MB21D2: variants seen among roughly 807,000 people sequenced by gnomAD.
MB21D2 encodes nucleotidyltransferase MB21D2.
In MB21D2, 9 loss-of-function variants were observed where a neutral mutation model predicts 33.3. The ratio of observed to expected loss-of-function variants is 0.27; its 90% confidence interval spans 0.16 to 0.47. MB21D2 has a LOEUF of 0.47. Ranked by LOEUF, MB21D2 falls within the 20% of genes least tolerant of loss-of-function variation. The pLI is 0.99. For synonymous variants in MB21D2, 241 were observed against 236.3 expected, an observed-to-expected ratio of 1.02 and a Z score of -0.18; for missense variants, 540 against 624.6, an observed-to-expected ratio of 0.86 and a Z score of 1.44.
chr3:192,804,966 C>T (rs1711632677), intron 1 of MB21D2, among the ~76,000 whole-genome samples: 1 of 152,182 alleles, frequency 6.6e-6, no homozygotes, highest in Non-Finnish European at 1.5e-5. Flanking sequence ...GGCCTTTCCT[C>T]GTTCATGCCC....
At chr3:192,883,400 T>C (rs1713649155) in intron 1 of MB21D2, among the ~76,000 whole-genome samples, 2 of 152,100 alleles carry the variant, frequency 1.3e-5, no homozygotes, top group South Asian at 4.1e-4. Context: ...ATCTAGTTTG[T>C]AGCATAGCAT....
chr3:192,852,512 G>A (rs1047055666), intron 1 of MB21D2, among the ~76,000 whole-genome samples: 4 of 152,042 alleles, frequency 2.6e-5, no homozygotes, highest in Non-Finnish European at 4.4e-5. Flanking sequence ...CATTTTAAAC[G>A]GGGGAAAAAC....
chr3:192,865,903 G>A (rs1411902644), intron 1 of MB21D2, among the ~76,000 whole-genome samples: 1 of 152,028 alleles, frequency 6.6e-6, no homozygotes, highest in Non-Finnish European at 1.5e-5. Context: ...AAATTAGCTG[G>A]GTGTGGTGGC....
chr3:192,820,161 A>T (rs1451170602), intron 1 of MB21D2, among the ~76,000 whole-genome samples: 3 of 152,236 alleles, frequency 2.0e-5, no homozygotes, highest in Non-Finnish European at 2.9e-5. Flanking sequence ...TTTGTATAAC[A>T]GCAAGTCAGA....
intron 1 of MB21D2, among the ~76,000 whole-genome samples, chr3:192,905,781 C>T (rs1486694951): frequency 2.0e-5 from 3 of 151,792 alleles, no homozygotes; most frequent in African/African-American, 7.3e-5. Context: ...TGCAGTGAGC[C>T]GAGATCGCAC....
rs553863955 is a variant in MB21D2, at chr3:192,891,014, G to A, written c.211+26616C>T. On this transcript the variant is annotated intron_variant, in intron 1 of 1. Coordinates refer to ENST00000392452, the MANE Select transcript of MB21D2 (RefSeq NM_178496.4). The stretch of plus-strand genomic sequence containing the variant: ...GAGGTCATGTTCACTATTTCTTAGC[G>A]GCTTATCTCAAAGAAAAGGAATACC... Among the ~76,000 whole-genome samples, 51 of 152,162 alleles carry A rather than the reference G, an allele frequency of 3.4e-4. 1 individual carries two copies. In the South Asian group the frequency reaches 8.3e-3, roughly 25 times the overall value.
At chr3:192,820,587 G>A (rs1560230309) in intron 1 of MB21D2, among the ~76,000 whole-genome samples, 1 of 152,238 alleles carries the variant, frequency 6.6e-6, no homozygotes. Context: ...AATGACTGCT[G>A]ATGAAAGCGT....
intron 1 of MB21D2, among the ~76,000 whole-genome samples, chr3:192,829,355 A>C (rs1162336881): frequency 1.3e-5 from 2 of 152,202 alleles, no homozygotes; most frequent in South Asian, 4.1e-4. Flanking sequence ...TTTGTGTAGA[A>C]ATAAATTCCA....
chr3:192,831,080 T>C (rs976842496), intron 1 of MB21D2, among the ~76,000 whole-genome samples: 1 of 152,174 alleles, frequency 6.6e-6, no homozygotes, highest in Non-Finnish European at 1.5e-5. Flanking sequence ...GCAAATCAAA[T>C]AGGTAAACGT....
rs374567011 is a variant in MB21D2, at chr3:192,824,764, C to T, written c.212-25114G>A. Among the ~76,000 whole-genome samples the T allele has an allele frequency of 4.6e-4, 70 of 152,240 alleles. No homozygotes were observed. The East Asian group carries it at 5.8e-3, about 13-fold the overall frequency. On this transcript the variant is annotated intron_variant, in intron 1 of 1. Transcript: ENST00000392452. Reference sequence around the variant, plus strand: ...ACCTGTTTGAGTGTTAACTCTTTGCCATTCATTCTTCAAAAATCACTCCAA... The same window carrying T: ...ACCTGTTTGAGTGTTAACTCTTTGCTATTCATTCTTCAAAAATCACTCCAA...
intron 1 of MB21D2, among the ~76,000 whole-genome samples, chr3:192,823,613 C>T (rs1234618287): frequency 1.3e-5 from 2 of 152,046 alleles, no homozygotes; most frequent in South Asian, 2.1e-4. Context: ...CAAGATCACG[C>T]CATTGTACTC....
intron 1 of MB21D2, among the ~76,000 whole-genome samples, chr3:192,853,122 T>C (rs946601209): frequency 6.6e-6 from 1 of 152,096 alleles, no homozygotes; most frequent in Non-Finnish European, 1.5e-5. Context: ...CCATCTTCCA[T>C]ATAGTCCCAG....
At chr3:192,844,814 C>T (rs1462773764) in intron 1 of MB21D2, among the ~76,000 whole-genome samples, 4 of 152,198 alleles carry the variant, frequency 2.6e-5, no homozygotes, top group Non-Finnish European at 5.9e-5. Context: ...CACATACAAC[C>T]GTATTTTGCC....
At chr3:192,858,789 A>G (rs1712973694) in intron 1 of MB21D2, among the ~76,000 whole-genome samples, 1 of 152,216 alleles carries the variant, frequency 6.6e-6, no homozygotes, top group African/African-American at 2.4e-5. Flanking sequence ...GGAAGAAGAC[A>G]GTGTCAAAGA....
chr3:192,808,953 T>C (rs1315392376), intron 1 of MB21D2, among the ~76,000 whole-genome samples: 3 of 152,252 alleles, frequency 2.0e-5, no homozygotes, highest in South Asian at 2.1e-4. Context: ...TAGTACACAT[T>C]TGAAGTACAT....
At chr3:192,914,138 AG>A (rs1415296869) in intron 1 of MB21D2, among the ~76,000 whole-genome samples, 2 of 152,154 alleles carry the variant, frequency 1.3e-5, no homozygotes, top group East Asian at 3.9e-4. Flanking sequence ...CATGTTTTAG[AG>A]TAAGGCTGAC....
chr3:192,844,794 G>A (rs1712646378), intron 1 of MB21D2, among the ~76,000 whole-genome samples: 1 of 152,114 alleles, frequency 6.6e-6, no homozygotes, highest in African/African-American at 2.4e-5. Context: ...TCCTTCACAA[G>A]GACACCATTC....
At position 192,917,779 on chromosome 3, in the gene MB21D2, G is replaced by A. The variant is rs1054385758; in HGVS notation, c.62C>T (p.Ala21Val). The change falls in exon 1 of 2, where the codon GCG becomes GTG. Residue 21 changes from alanine (A) to valine (V), a missense_variant. Transcript: ENST00000392452. ...CGACCTGAAATCCAGCTCCGGGAACGCAGGCTTGTTGTTACAGCCCAGGGA... is the reference window on the plus strand; with the variant it reads ...CGACCTGAAATCCAGCTCCGGGAACACAGGCTTGTTGTTACAGCCCAGGGA... Reference protein sequence around the residue: ...AASLGCNNKPAFPELDFRSGA... With the variant: ...AASLGCNNKPVFPELDFRSGA... 6.2e-7 allele frequency: 1 copy of A among 1,613,642 alleles called. No individual in the cohort carries two copies. Among genetic ancestry groups the A allele is most frequent in the Admixed American group, 1.7e-5 (1 of 60,010 alleles).
chr3:192,839,160 A>C (rs1712515519), intron 1 of MB21D2, among the ~76,000 whole-genome samples: 1 of 152,222 alleles, frequency 6.6e-6, no homozygotes, highest in Non-Finnish European at 1.5e-5. Context: ...AAAATAGCTG[A>C]GTGCTATAAA....
Sources: gnomAD v4.1 joint callset for allele counts (sites outside exome capture counted in the v4.1 genomes callset) on GRCh38, gnomAD v4.1.1 for gene constraint, MANE v1.5 for transcripts, NCBI Gene and HGNC (gene_info 2026-07-23, HGNC 2026-07-21) for gene names.